The following PCDHA9 variants were observed in gnomAD, a reference collection of about 807,000 sequenced individuals.
PCDHA9 encodes protocadherin alpha 9.
Under a neutral mutation model 62.0 loss-of-function variants are expected in PCDHA9, and 62 were observed. The observed-to-expected ratio is 1.00, with a 90% CI of 0.81 to 1.23. The LOEUF (loss-of-function observed/expected upper bound fraction) is 1.23, where lower values mean the gene tolerates loss of function less well. Ranked by LOEUF, PCDHA9 falls within the 50% of genes most tolerant of loss-of-function variation. The pLI is 0.00. For synonymous variants in PCDHA9, 557 were observed against 567.6 expected (o/e 0.98, Z 0.27); for missense variants, 1,205 against 1,249.8 (o/e 0.96, Z 0.54).
In PCDHA9 at chr5:140,985,515, T is replaced by G. The variant is rs529024123; in HGVS notation, c.2542+2952T>G. The stretch of plus-strand genomic sequence containing the variant: ...AGAGCCTGCCTTTCATTGATTCTGT[T>G]GCCCTTAAAGCTTCACGGTGAAGAT... On this transcript the variant is annotated intron_variant, in intron 3 of 3. Transcript: ENST00000532602. Among the ~76,000 whole-genome samples, 8 of 152,284 alleles carry G rather than the reference T, an allele frequency of 5.3e-5. No individual in the cohort carries two copies. In the South Asian group the frequency reaches 1.7e-3, roughly 32 times the overall value.
Position 140,850,018 on chromosome 5 carries a change from T to A in PCDHA9, c.1523T>A (p.Val508Glu). The A allele has an allele frequency of 1.3e-6, 2 of 1,596,890 alleles. No individual in the cohort carries two copies. Among genetic ancestry groups the A allele is most frequent in the Non-Finnish European group, 1.7e-6 (2 of 1,167,802 alleles). The change falls in exon 1 of 4, where the codon GTG becomes GAG. Residue 508 changes from valine to glutamate, a missense_variant. Physicochemically the swap from Val to Glu is moderately radical, Grantham distance 121. Around this residue, in one of 3 missense-constraint regions of PCDHA9, gnomAD observed 887 missense variants for 809.5 expected, o/e 1.10. Coordinates refer to ENST00000532602, the MANE Select transcript of PCDHA9 (RefSeq NM_031857.2). ...RLGERSLSSY[V>E]SVHAESGKVY... Reference sequence around the variant, plus strand: ...GGCGAGCGCTCGCTGTCGAGCTACGTGTCAGTGCACGCGGAGAGCGGCAAG... The same window carrying A: ...GGCGAGCGCTCGCTGTCGAGCTACGAGTCAGTGCACGCGGAGAGCGGCAAG...
intron 1 of PCDHA9, chr5:140,966,557 G>T: frequency 2.1e-6 from 1 of 477,538 alleles, no homozygotes; most frequent in Non-Finnish European, 3.5e-6. Context: ...GAGCGGAGGA[G>T]CTGGAATATG....
chr5:140,930,769 T>G (rs1373924244), intron 1 of PCDHA9, among the ~76,000 whole-genome samples: 2 of 152,214 alleles, frequency 1.3e-5, no homozygotes, highest in Non-Finnish European at 2.9e-5. Context: ...TTTTCTGTAC[T>G]TAATATTTTC....
At chr5:140,882,987 CG>C in intron 1 of PCDHA9, 1 of 1,614,110 alleles carries the variant, frequency 6.2e-7, no homozygotes, top group South Asian at 1.1e-5. Flanking sequence ...GACAACGCCC[CG>C]GAATTTTACC....
At chr5:140,892,207 A>C (rs1562863208) in intron 1 of PCDHA9, among the ~76,000 whole-genome samples, 1 of 152,110 alleles carries the variant, frequency 6.6e-6, no homozygotes, top group African/African-American at 2.4e-5. Context: ...TGTGTTTTAA[A>C]ATTGTATCTT....
intron 1 of PCDHA9, chr5:140,869,717 C>A: frequency 6.2e-7 from 1 of 1,613,364 alleles, no homozygotes. Context: ...AGAGAGAAAA[C>A]TCCGGAACTT....
At position 141,010,114 on chromosome 5, in the gene PCDHA9, G is replaced by A. The variant is rs2098416092; in HGVS notation, c.*177G>A. Reference sequence around the variant, plus strand: ...GCATTTAACAGGTTTTGTCGTAAAAGCTTTACTAAGTCTGGTGTTAACTCT... The same window carrying A: ...GCATTTAACAGGTTTTGTCGTAAAAACTTTACTAAGTCTGGTGTTAACTCT... On this transcript the variant is annotated 3_prime_UTR_variant, in exon 4 of 4. Transcript: ENST00000532602. The A allele has an allele frequency of 1.2e-6, 2 of 1,609,716 alleles. No homozygotes were observed. Among genetic ancestry groups the A allele is most frequent in the Non-Finnish European group, 1.7e-6 (2 of 1,177,682 alleles).
chr5:140,863,148 G>A (rs782014665), intron 1 of PCDHA9: 1 of 616,420 alleles, frequency 1.6e-6, no homozygotes, highest in Non-Finnish European at 3.1e-6. Context: ...TGCTGGTGAA[G>A]GACCACTGCG....
At chr5:140,968,460 C>T (rs1554230749) in intron 1 of PCDHA9, 3 of 1,613,978 alleles carry the variant, frequency 1.9e-6, no homozygotes, top group Non-Finnish European at 2.5e-6. Context: ...ACTGTGACTG[C>T]CAACGTATAT....
In PCDHA9 at chr5:140,850,187, G is replaced by A. The variant is rs2150472147; in HGVS notation, c.1692G>A (p.Ala564=). ...TGGACGAGAACGACAATGCGCCGGC[G>A]CTGCTGACACCTCGGATGAGGGGCA... ...FVLDENDNAP[A]LLTPRMRGTD... Residue 564 remains alanine (A), a synonymous_variant, in exon 1 of 4, where the codon GCG becomes GCA. Coordinates refer to ENST00000532602, the MANE Select transcript of PCDHA9 (RefSeq NM_031857.2). 27 of 1,593,150 alleles carry A rather than the reference G, an allele frequency of 1.7e-5. 2 individuals are homozygous for A. In the Admixed American group the frequency reaches 3.4e-4, roughly 20 times the overall value.
chr5:140,978,196 T>C (rs1043778941), intron 1 of PCDHA9, among the ~76,000 whole-genome samples: 1 of 152,190 alleles, frequency 6.6e-6, no homozygotes. Flanking sequence ...ATCTTTTCAA[T>C]ACACAACTAA....
intron 1 of PCDHA9, among the ~76,000 whole-genome samples, chr5:140,965,278 C>T (rs1554227554): frequency 6.6e-6 from 1 of 152,176 alleles, no homozygotes; most frequent in African/African-American, 2.4e-5. Flanking sequence ...AATGACACAG[C>T]ATGGAAAGAT....
chr5:140,943,696 A>G (rs2093549628), intron 1 of PCDHA9, among the ~76,000 whole-genome samples: 1 of 152,256 alleles, frequency 6.6e-6, no homozygotes, highest in South Asian at 2.1e-4. Context: ...AGGTCAAAAT[A>G]TTGTGGAACA....
At chr5:140,925,812 A>G (rs2082739434) in intron 1 of PCDHA9, among the ~76,000 whole-genome samples, 1 of 151,890 alleles carries the variant, frequency 6.6e-6, no homozygotes. Flanking sequence ...TCCACTTCTC[A>G]CGTCTTCTTT....
chr5:140,863,264 C>T (rs1432032847), intron 1 of PCDHA9: 3 of 1,454,794 alleles, frequency 2.1e-6, no homozygotes, highest in Non-Finnish European at 1.9e-6. Context: ...GTCCGGGAGG[C>T]AGCGCTGGTG....
At chr5:140,903,329 G>A (rs2070195936) in intron 1 of PCDHA9, among the ~76,000 whole-genome samples, 1 of 152,160 alleles carries the variant, frequency 6.6e-6, no homozygotes, top group Non-Finnish European at 1.5e-5. Context: ...TTTTATTGAG[G>A]AAAGGATGCA....
intron 1 of PCDHA9, among the ~76,000 whole-genome samples, chr5:140,894,384 T>A (rs1554186071): frequency 6.6e-6 from 1 of 152,046 alleles, no homozygotes; most frequent in Admixed American, 6.5e-5. Flanking sequence ...ATTATATTTG[T>A]ATTAGATATT....
chr5:140,850,188 C>T lies in PCDHA9; in HGVS notation c.1693C>T (p.Leu565=), dbSNP rs2150472267. 1 of 1,593,702 alleles carries T rather than the reference C, an allele frequency of 6.3e-7. No individual in the cohort carries two copies. The highest frequency in any genetic ancestry group is 8.6e-7 in the Non-Finnish European group (1 of 1,167,694). The change falls in exon 1 of 4, where the codon CTG becomes TTG. Residue 565 remains leucine, a synonymous_variant. Transcript: ENST00000532602. ...GGACGAGAACGACAATGCGCCGGCG[C>T]TGCTGACACCTCGGATGAGGGGCAC... ...VLDENDNAPA[L]LTPRMRGTDG...
At position 140,969,430 on chromosome 5, in the gene PCDHA9, A is replaced by T. The variant is rs1554231789; in HGVS notation, c.2395-9519A>T. 4 of 1,554,706 alleles carry T rather than the reference A, an allele frequency of 2.6e-6. No homozygotes were observed. The Admixed American group carries it at 7.8e-5, about 30-fold the overall frequency. ...CTTTATTGAGTCATTAACAGTGACA[A>T]GAGTTATCTGGTAAACTGAGTATAT... On this transcript the variant is annotated intron_variant, in intron 1 of 3. Transcript: ENST00000532602.
Sources: gnomAD v4.1 joint callset for allele counts (sites outside exome capture counted in the v4.1 genomes callset) on GRCh38, gnomAD v4.1.1 for gene constraint, gnomAD v4.1.1 regional missense constraint, MANE v1.5 for transcripts, NCBI Gene and HGNC (gene_info 2026-07-23, HGNC 2026-07-21) for gene names.